ARNT: variants seen among roughly 807,000 people sequenced by gnomAD.
ARNT encodes aryl hydrocarbon receptor nuclear translocator.
In ARNT, 30 loss-of-function variants were observed where a neutral mutation model predicts 105.0. The observed-to-expected ratio is 0.29, with a 90% confidence interval of 0.21 to 0.39. The LOEUF is 0.39. Among genes scored for constraint, ARNT ranks in the 10% least tolerant of loss-of-function variants. ARNT has a pLI of 1.00. For synonymous variants in ARNT, 304 were observed against 344.0 expected (o/e 0.88, Z 1.29); for missense variants, 748 against 978.7 (o/e 0.76, Z 3.15).
intron 1 of ARNT, among the ~76,000 whole-genome samples, chr1:150,870,494 T>A (rs1187276657): frequency 6.6e-6 from 1 of 152,050 alleles, no homozygotes; most frequent in African/African-American, 2.4e-5. Flanking sequence ...ATATCCTAAG[T>A]ATGCTGGTTT....
chr1:150,862,552 T>C (rs891840693), intron 1 of ARNT, among the ~76,000 whole-genome samples: 5 of 147,154 alleles, frequency 3.4e-5, no homozygotes, highest in Admixed American at 2.1e-4. Context: ...TATGTTACTT[T>C]CCTAAGAAAA....
intron 1 of ARNT, among the ~76,000 whole-genome samples, chr1:150,858,667 G>A (rs1665060631): frequency 6.7e-6 from 1 of 148,516 alleles, no homozygotes; most frequent in Non-Finnish European, 1.5e-5. Flanking sequence ...CTGGGCTAGA[G>A]TGCACTGGTA....
chr1:150,870,145 A>G (rs1289702264), intron 1 of ARNT, among the ~76,000 whole-genome samples: 2 of 152,194 alleles, frequency 1.3e-5, no homozygotes, highest in Non-Finnish European at 2.9e-5. Context: ...ATGTGACTTC[A>G]GACAAGTTAC....
Position 150,846,401 on chromosome 1 carries a change from T to C in ARNT, c.183-94A>G, listed in dbSNP as rs587679377. The C allele has an allele frequency of 4.7e-5, 60 of 1,288,514 alleles. No individual in the cohort carries two copies. In the East Asian group the frequency reaches 1.1e-3, roughly 23 times the overall value. 79.8% of individuals were successfully genotyped at this position (1,288,514 alleles called of 1,614,324 possible). On this transcript the variant is annotated intron_variant, in intron 3 of 21. Transcript: ENST00000358595. ...ACTAGAAAGGGGTGAAAATATTCAATAGAAAAAAAGCCAATGGAAAAGCAT... is the reference window on the plus strand; with the variant it reads ...ACTAGAAAGGGGTGAAAATATTCAACAGAAAAAAAGCCAATGGAAAAGCAT...
rs183129107 is a variant in ARNT, at chr1:150,813,064, C to A, written c.2280+108G>T. The A allele has an allele frequency of 4.2e-3, 5,339 of 1,274,180 alleles. 17 individuals are homozygous for A. Among genetic ancestry groups the A allele is most frequent in the Non-Finnish European group, 4.9e-3 (4,528 of 917,042 alleles). The allele number at this position is 1,274,180 out of a possible 1,614,324, so 78.9% of individuals were successfully genotyped here. ...ATCCCTCTCTGTCTTCTCACATATA[C>A]CCCCAACCAAACACCTCAATCCAGG... On this transcript the variant is annotated intron_variant, in intron 21 of 21. Coordinates refer to ENST00000358595, the MANE Select transcript of ARNT (RefSeq NM_001668.4).
In ARNT at chr1:150,829,991, G is replaced by A. The variant is rs932840896; in HGVS notation, c.956-11C>T. On this transcript the variant is annotated splice_polypyrimidine_tract_variant and intron_variant, in intron 10 of 21. Transcript: ENST00000358595. The stretch of plus-strand genomic sequence containing the variant: ...CTGGGAGGGAAACACCTTCAGAAAC[G>A]TGACGTTAAAAGGTTTAACGGGGAC... 4.3e-6 allele frequency: 7 copies of A among 1,613,996 alleles called. No homozygotes were observed. The highest frequency in any genetic ancestry group is 2.2e-5 in the East Asian group (1 of 44,894).
At chr1:150,872,700 C>T (rs1667640583) in intron 1 of ARNT, among the ~76,000 whole-genome samples, 2 of 152,160 alleles carry the variant, frequency 1.3e-5, no homozygotes, top group African/African-American at 2.4e-5. Context: ...GGTGGTCATG[C>T]CTATAATCCC....
At chr1:150,864,529 G>A (rs1206301481) in intron 1 of ARNT, among the ~76,000 whole-genome samples, 24 of 140,498 alleles carry the variant, frequency 1.7e-4, no homozygotes, top group South Asian at 2.3e-4. Context: ...ACCAAACACC[G>A]CATATTCTCA....
chr1:150,852,473 C>T (rs1663810005), intron 3 of ARNT, among the ~76,000 whole-genome samples: 1 of 152,096 alleles, frequency 6.6e-6, no homozygotes, highest in South Asian at 2.1e-4. Flanking sequence ...AATAAACATG[C>T]AGTCAATCCA....
intron 14 of ARNT, among the ~76,000 whole-genome samples, chr1:150,822,207 A>G (rs958369964): frequency 1.3e-5 from 2 of 152,178 alleles, no homozygotes; most frequent in African/African-American, 4.8e-5. Flanking sequence ...AAAAAAATCC[A>G]TGTATAAGTG....
intron 3 of ARNT, among the ~76,000 whole-genome samples, chr1:150,848,432 G>C (rs1356802422): frequency 6.6e-6 from 1 of 150,480 alleles, no homozygotes; most frequent in Non-Finnish European, 1.5e-5. Flanking sequence ...CTCCAACGTG[G>C]GCAACAAGAG....
chr1:150,812,057 G>A lies in ARNT; in HGVS notation c.2334C>T (p.Phe778=), dbSNP rs1291692112. The A allele has an allele frequency of 6.4e-7, 1 of 1,570,374 alleles. No individual in the cohort carries two copies. The highest frequency in any genetic ancestry group is 1.2e-5 in the South Asian group (1 of 85,066). Reference sequence around the variant, plus strand: ...AGGGGGGAAACATAGTTAGATCAGGGAATTCTTCATTGTTGTAGCTGTTGC... The same window carrying A: ...AGGGGGGAAACATAGTTAGATCAGGAAATTCTTCATTGTTGTAGCTGTTGC... The part of the protein sequence containing the change: ...DQSNSYNNEE[F]PDLTMFPPFS... Residue 778 remains phenylalanine (F), a synonymous_variant, in exon 22 of 22, where the codon TTC becomes TTT. Transcript: ENST00000358595.
intron 4 of ARNT, among the ~76,000 whole-genome samples, chr1:150,843,018 C>T (rs1425354410): frequency 6.6e-6 from 1 of 152,176 alleles, no homozygotes; most frequent in African/African-American, 2.4e-5. Flanking sequence ...ACACAAACAA[C>T]ACATGCACGT....
intron 2 of ARNT, among the ~76,000 whole-genome samples, chr1:150,855,958 G>A (rs886454810): frequency 6.6e-6 from 1 of 152,038 alleles, no homozygotes; most frequent in African/African-American, 2.4e-5. Flanking sequence ...GCCAAAATGT[G>A]TGTGTGCGTG....
chr1:150,863,811 G>A (rs895051122), intron 1 of ARNT, among the ~76,000 whole-genome samples: 5 of 150,876 alleles, frequency 3.3e-5, no homozygotes, highest in African/African-American at 9.8e-5. Context: ...GCAAAACTCC[G>A]TCTCAAAAAA....
chr1:150,842,880 C>T (rs1168510073), intron 4 of ARNT, among the ~76,000 whole-genome samples: 2 of 152,138 alleles, frequency 1.3e-5, no homozygotes, highest in Non-Finnish European at 2.9e-5. Context: ...CATTTTCATG[C>T]ACTGCTCCCA....
chr1:150,869,204 G>A (rs936113405), intron 1 of ARNT, among the ~76,000 whole-genome samples: 1 of 152,064 alleles, frequency 6.6e-6, no homozygotes, highest in Non-Finnish European at 1.5e-5. Flanking sequence ...TAGGCTGGGC[G>A]CGCTAGCTCA....
intron 4 of ARNT, among the ~76,000 whole-genome samples, chr1:150,845,180 G>A (rs587647213): frequency 4.3e-4 from 66 of 152,290 alleles, no homozygotes; most frequent in Middle Eastern, 6.8e-3. Flanking sequence ...CAATATTTGG[G>A]AAGCTGAGGT....
At chr1:150,837,559 T>C (rs587594642) in intron 6 of ARNT, among the ~76,000 whole-genome samples, 2 of 152,308 alleles carry the variant, frequency 1.3e-5, no homozygotes, top group South Asian at 2.1e-4. Flanking sequence ...TATGAGACTG[T>C]ACTCCAATTT....
Sources: gnomAD v4.1 joint callset for allele counts (sites outside exome capture counted in the v4.1 genomes callset) on GRCh38, gnomAD v4.1.1 for gene constraint, MANE v1.5 for transcripts, NCBI Gene and HGNC (gene_info 2026-07-23, HGNC 2026-07-21) for gene names.